The following USP45 variants were observed in gnomAD, a reference collection of about 807,000 sequenced individuals.
USP45 encodes ubiquitin carboxyl-terminal hydrolase 45.
A neutral mutation model predicts 95.8 loss-of-function variants in USP45; 89 were observed. That is an observed-to-expected ratio of 0.93 (90% CI 0.78 to 1.11). The LOEUF (loss-of-function observed/expected upper bound fraction) is 1.11. Ranked by LOEUF, USP45 falls within the 50% of genes least tolerant of loss-of-function variation. USP45 has a pLI of 0.00. For synonymous variants in USP45, 281 were observed against 316.2 expected, an observed-to-expected ratio of 0.89 and a Z score of 1.18; for missense variants, 898 against 942.5, an observed-to-expected ratio of 0.95 and a Z score of 0.62.
chr6:99,503,288 A>G (rs1797778556), intron 5 of USP45, among the ~76,000 whole-genome samples: 1 of 152,076 alleles, frequency 6.6e-6, no homozygotes, highest in Non-Finnish European at 1.5e-5. Context: ...ATATAAACGT[A>G]TAACAAGGTG....
At chr6:99,506,756 C>G (rs1421544246) in intron 4 of USP45, among the ~76,000 whole-genome samples, 1 of 152,204 alleles carries the variant, frequency 6.6e-6, no homozygotes, top group Non-Finnish European at 1.5e-5. Context: ...TTACAAGCTA[C>G]TTATGCCCAG....
At chr6:99,502,611 T>A (rs1216826870) in intron 5 of USP45, among the ~76,000 whole-genome samples, 6 of 152,222 alleles carry the variant, frequency 3.9e-5, no homozygotes, top group Non-Finnish European at 7.3e-5. Flanking sequence ...TTCATACATA[T>A]GTGTCAAGTA....
At chr6:99,511,215 G>A (rs937626886) in intron 1 of USP45, among the ~76,000 whole-genome samples, 3 of 151,584 alleles carry the variant, frequency 2.0e-5, no homozygotes, top group Non-Finnish European at 2.9e-5. Flanking sequence ...TTTTGAGATG[G>A]ATCTCGGCTC....
rs769583063 is a variant in USP45, at chr6:99,508,637, A to AAT, written c.244_245dup (p.Trp83PhefsTer22). On this transcript the variant is annotated frameshift_variant, in exon 3 of 18. Transcript: ENST00000500704. LOFTEE classifies it high-confidence loss of function. ...GGAAGCCACACTTGAGGCACAACCA[A>AAT]ATATCAGAAGTAAGTACTAGCTGCC... 6.2e-6 allele frequency: 10 copies of AAT among 1,612,832 alleles called. No individual in the cohort carries two copies. In the South Asian group the frequency reaches 9.9e-5, roughly 16 times the overall value.
intron 15 of USP45, among the ~76,000 whole-genome samples, chr6:99,442,352 C>T (rs17181201): frequency 0.33 from 50,638 of 152,054 alleles, 8,669 homozygotes; most frequent in Middle Eastern, 0.46. Context: ...TTCCATTGAG[C>T]TTCTACAACC....
At chr6:99,514,322 G>A (rs1174784432) in intron 1 of USP45, among the ~76,000 whole-genome samples, 1 of 152,162 alleles carries the variant, frequency 6.6e-6, no homozygotes, top group East Asian at 1.9e-4. Flanking sequence ...GCGCAGGGAA[G>A]CCCATTAAAG....
chr6:99,494,620 T>A (rs959054508), intron 5 of USP45, among the ~76,000 whole-genome samples: 18 of 151,930 alleles, frequency 1.2e-4, no homozygotes, highest in African/African-American at 4.4e-4. Context: ...CAAGGCTGGG[T>A]GTGATGGCTC....
chr6:99,459,571 G>A (rs963188602), intron 13 of USP45, among the ~76,000 whole-genome samples: 7 of 152,118 alleles, frequency 4.6e-5, no homozygotes, highest in Admixed American at 1.3e-4. Flanking sequence ...ACTGCTTTCT[G>A]CAACGGTTGA....
chr6:99,493,301 C>T (rs1162867243), intron 5 of USP45, among the ~76,000 whole-genome samples: 1 of 152,126 alleles, frequency 6.6e-6, no homozygotes, highest in Non-Finnish European at 1.5e-5. Context: ...GCTGGGATTA[C>T]AAACATGAGC....
At chr6:99,448,762 A>C (rs1783126818) in intron 13 of USP45, among the ~76,000 whole-genome samples, 1 of 152,346 alleles carries the variant, frequency 6.6e-6, no homozygotes, top group East Asian at 1.9e-4. Flanking sequence ...AAAAATGTTA[A>C]GGGCAGCCAG....
At chr6:99,490,180 A>G (rs1371582265) in intron 5 of USP45, among the ~76,000 whole-genome samples, 1 of 151,820 alleles carries the variant, frequency 6.6e-6, no homozygotes, top group Non-Finnish European at 1.5e-5. Flanking sequence ...TTTCTTTTTT[A>G]AAAAACAGTG....
At chr6:99,467,649 G>C (rs1021669746) in intron 10 of USP45, among the ~76,000 whole-genome samples, 1 of 151,992 alleles carries the variant, frequency 6.6e-6, no homozygotes, top group African/African-American at 2.4e-5. Flanking sequence ...ATTGGAAATA[G>C]TACAAAACTG....
chr6:99,499,818 C>G (rs575322695), intron 5 of USP45, among the ~76,000 whole-genome samples: 23 of 152,302 alleles, frequency 1.5e-4, no homozygotes, highest in African/African-American at 5.3e-4. Context: ...ATCCATGATT[C>G]CTTTTTAGTT....
In USP45 at chr6:99,433,617, A is replaced by G. The variant is rs1432884717; in HGVS notation, c.*2099T>C. On this transcript the variant is annotated 3_prime_UTR_variant, in exon 18 of 18. Transcript: ENST00000500704. ...AGCACTCATAAACTCTAGGCCATAA[A>G]AAAATAGGTTTCATAAGTAGCTCCT... 1.3e-5 allele frequency: 2 copies of G among 152,208 alleles called. No homozygotes were observed. Among genetic ancestry groups the G allele is most frequent in the Non-Finnish European group, 2.9e-5 (2 of 68,024 alleles). The allele number at this position is 152,208 out of a possible 1,614,324, so 9.4% of individuals were successfully genotyped here. A position where few individuals can be genotyped will look rare whatever the true frequency, so the allele number is the denominator to read the frequency against.
At chr6:99,512,324 TGAAGCCA>T (rs755413426) in intron 1 of USP45, among the ~76,000 whole-genome samples, 323 of 152,304 alleles carry the variant, frequency 2.1e-3, no homozygotes, top group Non-Finnish European at 3.5e-3. Context: ...AGCTTCTAAC[TGAAGCCA>T]CTGCTGGGGG....
chr6:99,515,968 G>C (rs1052189952), upstream of USP45, among the ~76,000 whole-genome samples: 1 of 151,672 alleles, frequency 6.6e-6, no homozygotes, highest in Non-Finnish European at 1.5e-5. Context: ...TAGTAGAGAC[G>C]GGGTTTCACC....
At chr6:99,466,511 C>G (rs1274172005) in intron 11 of USP45, among the ~76,000 whole-genome samples, 161 bp downstream of exon 11, 2 of 152,150 alleles carry the variant, frequency 1.3e-5, no homozygotes, top group Non-Finnish European at 2.9e-5. Flanking sequence ...ATCACATTTA[C>G]TTTCTAGGAG....
chr6:99,487,679 CAGCTACTCAGG>C (rs1794275661), intron 7 of USP45, among the ~76,000 whole-genome samples: 1 of 150,302 alleles, frequency 6.7e-6, no homozygotes, highest in Non-Finnish European at 1.5e-5. Context: ...CCTATAGTCC[CAGCTACTCAGG>C]AGGCTGAGGT....
At position 99,453,182 on chromosome 6, in the gene USP45, A is replaced by AAAC. The variant is rs1554229711; in HGVS notation, c.1309-6720_1309-6719insGTT. Among the ~76,000 whole-genome samples, 23 of 151,678 alleles carry AAAC rather than the reference A, an allele frequency of 1.5e-4. No homozygotes were observed. In the South Asian group the frequency reaches 4.2e-3, roughly 28 times the overall value. ...CCTAGAACTTAAAAAAGAAAAAAAAAAAAACATAAAAGGCATCCAAATTGG... is the reference window on the plus strand; with the variant it reads ...CCTAGAACTTAAAAAAGAAAAAAAAAAACAAAACATAAAAGGCATCCAAATTGG... On this transcript the variant is annotated intron_variant, in intron 13 of 17. Transcript: ENST00000500704.
Sources: allele counts gnomAD v4.1 joint callset (sites outside exome capture counted in the v4.1 genomes callset), GRCh38; gene constraint gnomAD v4.1.1; transcripts MANE v1.5; gene names NCBI Gene and HGNC (gene_info 2026-07-23, HGNC 2026-07-21).